The following ENOX1 variants were observed in gnomAD, a reference collection of about 807,000 sequenced individuals.
ENOX1 encodes the protein ecto-NOX disulfide-thiol exchanger 1.
ENOX1 carries 42 observed loss-of-function variants against 82.5 expected under a neutral mutation model. The ratio of observed to expected loss-of-function variants is 0.51; its 90% confidence interval spans 0.40 to 0.66. ENOX1 has a LOEUF of 0.66. Among genes scored for constraint, ENOX1 ranks in the 30% least tolerant of loss-of-function variants. ENOX1 has a pLI of 0.00. For missense variants in ENOX1, 608 were observed against 811.6 expected (o/e 0.75, Z 3.05); for synonymous variants, 271 against 282.2 (o/e 0.96, Z 0.40).
At chr13:43,784,508 G>A (rs901399820) in intron 1 of ENOX1, among the ~76,000 whole-genome samples, 3 of 152,150 alleles carry the variant, frequency 2.0e-5, no homozygotes, top group Admixed American at 6.5e-5. Context: ...CATGTAATAC[G>A]TTTAATATGT....
intron 16 of ENOX1, among the ~76,000 whole-genome samples, chr13:43,216,709 C>T (rs762843325): frequency 1.3e-5 from 2 of 152,164 alleles, no homozygotes; most frequent in Non-Finnish European, 1.5e-5. Flanking sequence ...TGCCAGCCCA[C>T]CAGCACCTTG....
intron 1 of ENOX1, among the ~76,000 whole-genome samples, chr13:43,713,455 T>C (rs1184503396): frequency 1.3e-5 from 2 of 152,092 alleles, no homozygotes; most frequent in African/African-American, 4.8e-5. Context: ...ATTCCCTTTT[T>C]TTCTATTGAT....
intron 10 of ENOX1, among the ~76,000 whole-genome samples, chr13:43,324,542 A>G (rs1408995890): frequency 2.0e-5 from 3 of 152,222 alleles, no homozygotes; most frequent in Non-Finnish European, 4.4e-5. Context: ...ACAATGTTAA[A>G]TTACCAACTG....
intron 5 of ENOX1, among the ~76,000 whole-genome samples, chr13:43,363,621 G>C (rs112116905): frequency 4.6e-5 from 7 of 152,260 alleles, no homozygotes; most frequent in African/African-American, 1.7e-4. Context: ...GGCTTCATCT[G>C]TTTTTTTCCT....
At chr13:43,323,372 T>G (rs1033320694) in intron 10 of ENOX1, among the ~76,000 whole-genome samples, 1 of 152,178 alleles carries the variant, frequency 6.6e-6, no homozygotes, top group African/African-American at 2.4e-5. Context: ...TACAATCAAG[T>G]TATTTATTTG....
At chr13:43,297,428 T>C (rs1031664766) in intron 12 of ENOX1, among the ~76,000 whole-genome samples, 1 of 152,242 alleles carries the variant, frequency 6.6e-6, no homozygotes, top group Non-Finnish European at 1.5e-5. Flanking sequence ...AACAATCTTT[T>C]TTTTTTCAGA....
intron 2 of ENOX1, among the ~76,000 whole-genome samples, chr13:43,534,481 T>C (rs1410590069): frequency 6.6e-6 from 1 of 152,172 alleles, no homozygotes; most frequent in Non-Finnish European, 1.5e-5. Context: ...AAAACAACTG[T>C]TCGCTACCCC....
chr13:43,640,837 C>T (rs1215215542), intron 2 of ENOX1, among the ~76,000 whole-genome samples: 1 of 151,932 alleles, frequency 6.6e-6, no homozygotes, highest in Non-Finnish European at 1.5e-5. Context: ...TAATATGCCT[C>T]CCAATTACTT....
chr13:43,530,034 C>T (rs868397575), intron 2 of ENOX1, among the ~76,000 whole-genome samples: 11 of 152,078 alleles, frequency 7.2e-5, no homozygotes, highest in African/African-American at 2.4e-4. Flanking sequence ...AGATGACTCT[C>T]CTGTGTACAT....
chr13:43,340,770 T>G (rs1440199709), intron 9 of ENOX1, among the ~76,000 whole-genome samples: 3 of 152,222 alleles, frequency 2.0e-5, no homozygotes, highest in African/African-American at 7.2e-5. Context: ...TCACCAGAAA[T>G]TTCTGAACTC....
intron 9 of ENOX1, among the ~76,000 whole-genome samples, chr13:43,330,691 C>A (rs2048364203): frequency 6.6e-6 from 1 of 152,060 alleles, no homozygotes; most frequent in South Asian, 2.1e-4. Flanking sequence ...CACAGTAGAG[C>A]CCCTAGTATA....
chr13:43,666,652 C>T (rs902908926), intron 2 of ENOX1, among the ~76,000 whole-genome samples: 4 of 152,126 alleles, frequency 2.6e-5, no homozygotes, highest in African/African-American at 9.7e-5. Flanking sequence ...AACTGTGAAA[C>T]AATAAATTTC....
At chr13:43,581,210 G>A (rs2080718693) in intron 2 of ENOX1, among the ~76,000 whole-genome samples, 1 of 130,502 alleles carries the variant, frequency 7.7e-6, no homozygotes, top group Non-Finnish European at 1.6e-5. Flanking sequence ...TCGGCTCACT[G>A]CAAGCTCCGC....
chr13:43,717,684 A>G (rs1279412312), intron 1 of ENOX1, among the ~76,000 whole-genome samples: 3 of 152,198 alleles, frequency 2.0e-5, no homozygotes, highest in African/African-American at 7.2e-5. Flanking sequence ...AGCAAAAACA[A>G]ATCAACAAGC....
chr13:43,554,259 A>G (rs546052218), intron 2 of ENOX1, among the ~76,000 whole-genome samples: 1 of 152,356 alleles, frequency 6.6e-6, no homozygotes, highest in South Asian at 2.1e-4. Flanking sequence ...ACATTGAATC[A>G]GAAGGAAAGA....
intron 2 of ENOX1, among the ~76,000 whole-genome samples, chr13:43,572,520 C>T (rs528043292): frequency 7.9e-5 from 12 of 152,298 alleles, no homozygotes; most frequent in Non-Finnish European, 1.5e-4. Context: ...CTCATGTCTT[C>T]AACACTAATG....
At chr13:43,281,189 T>C in intron 12 of ENOX1, among the ~76,000 whole-genome samples, 1 of 151,274 alleles carries the variant, frequency 6.6e-6, no homozygotes, top group Non-Finnish European at 1.5e-5. Context: ...TCAGACTCTC[T>C]GTAAGGAAAA....
intron 9 of ENOX1, among the ~76,000 whole-genome samples, chr13:43,343,358 T>G (rs1324443102): frequency 2.0e-5 from 3 of 152,226 alleles, no homozygotes; most frequent in Admixed American, 6.5e-5. Flanking sequence ...GGCTGGTGAA[T>G]CTAGGTAATG....
chr13:43,634,460 T>G (rs141551017), intron 2 of ENOX1, among the ~76,000 whole-genome samples: 5 of 152,196 alleles, frequency 3.3e-5, no homozygotes, highest in African/African-American at 1.2e-4. Flanking sequence ...ACAAGGATAG[T>G]AAATTTCTGG....
Sources: allele counts gnomAD v4.1 joint callset (sites outside exome capture counted in the v4.1 genomes callset), GRCh38; gene constraint gnomAD v4.1.1; transcripts MANE v1.5; gene names NCBI Gene and HGNC (gene_info 2026-07-23, HGNC 2026-07-21).